Variants in YAP1 observed in about 807,000 individuals in gnomAD.
YAP1 encodes the protein Yes1 associated transcriptional regulator, also known as transcriptional coactivator YAP1.
In YAP1, 5 loss-of-function variants were observed where a neutral mutation model predicts 56.9. That is an observed-to-expected ratio of 0.09 (90% CI 0.05 to 0.18). YAP1 has a LOEUF of 0.18. Among genes scored for constraint, YAP1 ranks in the 10% least tolerant of loss-of-function variants. The probability of loss-of-function intolerance (pLI) is 1.00; values close to 1 mark genes in which losing one functional copy is unlikely to be tolerated. For missense variants in YAP1, 539 were observed against 651.8 expected (o/e 0.83, Z 1.88); for synonymous variants, 265 against 248.1 (o/e 1.07, Z -0.64).
chr11:102,169,202 A>G (rs1284491177), intron 3 of YAP1, among the ~76,000 whole-genome samples: 1 of 152,218 alleles, frequency 6.6e-6, no homozygotes, highest in East Asian at 1.9e-4. Flanking sequence ...GACAGAATCC[A>G]TATCACATAG....
In YAP1 at chr11:102,205,941, C is replaced by T. The variant is rs759033714; in HGVS notation, c.851C>T (p.Pro284Leu). ...SQSAPVKQPPPLAPQSPQGGV... is the reference protein window; with the variant it reads ...SQSAPVKQPPLLAPQSPQGGV... Reference sequence around the variant, plus strand: ...AGTGCTCCAGTGAAACAGCCACCACCCCTGGCTCCCCAGAGCCCACAGGGA... The same window carrying T: ...AGTGCTCCAGTGAAACAGCCACCACTCCTGGCTCCCCAGAGCCCACAGGGA... The change falls in exon 5 of 9, where the codon CCC becomes CTC. Residue 284 changes from proline (P) to leucine (L), a missense_variant. Pro to Leu is a moderately conservative substitution (Grantham distance 98). This residue lies in a region of YAP1 where 414 missense variants were observed against 512.4 expected (regional missense o/e 0.81). Coordinates refer to ENST00000282441, the MANE Select transcript of YAP1 (RefSeq NM_001130145.3). 1 of 1,610,598 alleles carries T rather than the reference C, an allele frequency of 6.2e-7. No homozygotes were observed. Among genetic ancestry groups the T allele is most frequent in the African/African-American group, 1.3e-5 (1 of 74,822 alleles).
intron 2 of YAP1, among the ~76,000 whole-genome samples, chr11:102,137,090 T>C (rs765490437): frequency 3.9e-5 from 6 of 152,200 alleles, no homozygotes; most frequent in South Asian, 2.1e-4. Flanking sequence ...TCTATGACAA[T>C]GGTAAAAACA....
intron 6 of YAP1, among the ~76,000 whole-genome samples, 160 bp downstream of exon 6, chr11:102,209,724 C>T (rs1330916667): frequency 1.3e-5 from 2 of 152,134 alleles, no homozygotes; most frequent in African/African-American, 4.8e-5. Flanking sequence ...TAACATTGCC[C>T]TTCCAAGAAA....
intron 3 of YAP1, 99 bp from the exon 4 acceptor site, chr11:102,185,919 G>A: frequency 8.4e-7 from 1 of 1,188,702 alleles, no homozygotes; most frequent in Non-Finnish European, 1.2e-6. Context: ...ATTGTTTTAT[G>A]TTAAGATGTG....
chr11:102,179,159 C>T (rs1031959625), intron 3 of YAP1, among the ~76,000 whole-genome samples: 14 of 149,840 alleles, frequency 9.3e-5, no homozygotes, highest in Admixed American at 8.1e-4. Flanking sequence ...ACCCTCTTTA[C>T]GTCTCATTAA....
chr11:102,203,520 T>C (rs1247791610), intron 4 of YAP1, among the ~76,000 whole-genome samples: 1 of 152,198 alleles, frequency 6.6e-6, no homozygotes, highest in Non-Finnish European at 1.5e-5. Context: ...AATGCTATAT[T>C]GTTTGCTTGA....
At chr11:102,138,245 A>G (rs1944798744) in intron 2 of YAP1, among the ~76,000 whole-genome samples, 1 of 152,246 alleles carries the variant, frequency 6.6e-6, no homozygotes, top group South Asian at 2.1e-4. Flanking sequence ...TGACTATGGA[A>G]AAAATTAGTG....
intron 2 of YAP1, among the ~76,000 whole-genome samples, chr11:102,138,649 G>A (rs1944825580): frequency 6.6e-6 from 1 of 152,170 alleles, no homozygotes; most frequent in East Asian, 1.9e-4. Flanking sequence ...TTACTTTGTT[G>A]CTTTCTCTCC....
At chr11:102,125,992 G>A (rs1376776096) in intron 2 of YAP1, among the ~76,000 whole-genome samples, 3 of 152,026 alleles carry the variant, frequency 2.0e-5, no homozygotes, top group African/African-American at 7.2e-5. Context: ...ATGGGAGTTA[G>A]GACTGAATAC....
At chr11:102,164,956 A>C (rs1159047360) in intron 3 of YAP1, among the ~76,000 whole-genome samples, 2 of 152,130 alleles carry the variant, frequency 1.3e-5, no homozygotes, top group Non-Finnish European at 2.9e-5. Flanking sequence ...TCCCAACCTC[A>C]GGTGATCCGC....
rs1313793648 is a variant in YAP1, at chr11:102,111,070, C to T, written c.222C>T (p.Asn74=). 6.2e-7 allele frequency: 1 copy of T among 1,613,376 alleles called. No individual in the cohort carries two copies. The highest frequency in any genetic ancestry group is 8.5e-7 in the Non-Finnish European group (1 of 1,179,812). The change falls in exon 1 of 9, where the codon AAC becomes AAT. Residue 74 remains asparagine (N), a synonymous_variant. Coordinates refer to ENST00000282441, the MANE Select transcript of YAP1 (RefSeq NM_001130145.3). ...AGGCGCTCTTCAACGCCGTCATGAA[C>T]CCCAAGACGGCCAACGTGCCCCAGA... ...DLEALFNAVM[N]PKTANVPQTV...
intron 2 of YAP1, among the ~76,000 whole-genome samples, chr11:102,152,167 T>A (rs753523317): frequency 1.3e-5 from 2 of 152,228 alleles, no homozygotes; most frequent in Non-Finnish European, 2.9e-5. Flanking sequence ...ATACTGTCTT[T>A]ATTGATGGCC....
chr11:102,193,837 A>C (rs7105043), intron 4 of YAP1, among the ~76,000 whole-genome samples: 1 of 151,152 alleles, frequency 6.6e-6, no homozygotes, highest in Non-Finnish European at 1.5e-5. Flanking sequence ...TTTTTGTTTG[A>C]TTTTTGTTTT....
At chr11:102,209,900 A>T (rs962275982) in intron 6 of YAP1, among the ~76,000 whole-genome samples, 1 of 152,202 alleles carries the variant, frequency 6.6e-6, no homozygotes, top group Non-Finnish European at 1.5e-5. Context: ...TAGTATGTGT[A>T]ATGATTTAAA....
intron 4 of YAP1, chr11:102,186,432 TG>T (rs1442796727): frequency 2.2e-4 from 68 of 311,382 alleles, no homozygotes; most frequent in Admixed American, 2.1e-3. Flanking sequence ...GTTTTTAAAA[TG>T]TTTTTTTTTT....
chr11:102,133,414 G>A (rs541080119), intron 2 of YAP1, among the ~76,000 whole-genome samples: 1 of 151,976 alleles, frequency 6.6e-6, no homozygotes, highest in East Asian at 1.9e-4. Flanking sequence ...TCCTGCCTCA[G>A]CCTCCCGAGT....
chr11:102,206,141 T>A, intron 5 of YAP1, 67 bp downstream of exon 5: 1 of 1,548,682 alleles, frequency 6.5e-7, no homozygotes, highest in East Asian at 2.3e-5. Flanking sequence ...TTGGGCAGAT[T>A]TCATTTTAAC....
intron 1 of YAP1, among the ~76,000 whole-genome samples, chr11:102,113,044 T>G (rs1276012644): frequency 6.6e-6 from 1 of 152,234 alleles, no homozygotes; most frequent in Non-Finnish European, 1.5e-5. Context: ...AATTCGACTT[T>G]TATTTCTCCT....
intron 2 of YAP1, among the ~76,000 whole-genome samples, chr11:102,131,153 GTGTT>G (rs140813751): frequency 0.015 from 2,238 of 152,262 alleles, 23 homozygotes; most frequent in Middle Eastern, 0.031. Flanking sequence ...TCGGGATAAA[GTGTT>G]TGGTTACTTG....
Sources: allele counts gnomAD v4.1 joint callset (sites outside exome capture counted in the v4.1 genomes callset), GRCh38; gene constraint gnomAD v4.1.1; regional missense constraint gnomAD v4.1.1; transcripts MANE v1.5; gene names NCBI Gene and HGNC (gene_info 2026-07-23, HGNC 2026-07-21).